Variants in ZNF385D observed in about 807,000 individuals in gnomAD.
The protein encoded by ZNF385D is zinc finger protein 385D.
Under a neutral mutation model 35.8 loss-of-function variants are expected in ZNF385D, and 15 were observed. The observed-to-expected ratio is 0.42, with a 90% CI of 0.28 to 0.64. ZNF385D has a LOEUF of 0.64. ZNF385D is among the 30% of genes least tolerant of loss of function. The pLI, the probability that ZNF385D is intolerant of heterozygous loss-of-function variation, is 0.23. For missense variants in ZNF385D, 474 were observed against 494.6 expected, an observed-to-expected ratio of 0.96 and a Z score of 0.39; for synonymous variants, 212 against 186.8, an observed-to-expected ratio of 1.13 and a Z score of -1.10.
upstream of ZNF385D, among the ~76,000 whole-genome samples, chr3:21,755,515 T>C (rs531913484): frequency 1.1e-4 from 16 of 152,338 alleles, no homozygotes; most frequent in Non-Finnish European, 2.1e-4. Context: ...TGAAGCAATC[T>C]GTAATCAATC....
At position 21,822,967 on chromosome 3, in the gene ZNF385D, G is replaced by T. The variant is rs530751848; in HGVS notation, c.326-157939C>A. ...CAAATGAATTACTCAAAATTCAGAAGAGTAAGTTACCTGATGGGGGGACAA... is the reference window on the plus strand; with the variant it reads ...CAAATGAATTACTCAAAATTCAGAATAGTAAGTTACCTGATGGGGGGACAA... On this transcript the variant is annotated intron_variant, in intron 3 of 5. Coordinates refer to the ZNF385D transcript ENST00000494108. Among the ~76,000 whole-genome samples, 584 of 152,182 alleles carry T rather than the reference G, an allele frequency of 3.8e-3. 6 individuals carry two copies. Among genetic ancestry groups the T allele is most frequent in the African/African-American group, 0.013 (545 of 41,514 alleles).
intron 2 of ZNF385D, among the ~76,000 whole-genome samples, chr3:22,349,286 A>G (rs1695808320): frequency 6.6e-6 from 1 of 152,206 alleles, no homozygotes; most frequent in Non-Finnish European, 1.5e-5. Flanking sequence ...AGTTGAACCT[A>G]GATAATTACA....
chr3:22,199,156 C>A (rs9856478), intron 2 of ZNF385D, among the ~76,000 whole-genome samples: 9,258 of 152,018 alleles, frequency 0.061, 731 homozygotes, highest in African/African-American at 0.18. Flanking sequence ...AATCTCATCT[C>A]CACATTGTTT....
chr3:21,441,659 A>G, intron 4 of ZNF385D: 1 of 984,276 alleles, frequency 1.0e-6, no homozygotes, highest in Non-Finnish European at 1.2e-6. Flanking sequence ...GAGGAAAGAA[A>G]AGGAAAACCT....
chr3:22,348,413 C>T (rs995945524), intron 2 of ZNF385D, among the ~76,000 whole-genome samples: 2 of 147,300 alleles, frequency 1.4e-5, no homozygotes, highest in South Asian at 2.1e-4. Flanking sequence ...TTTGGGTGGC[C>T]GAGGCAGGCA....
intron 3 of ZNF385D, among the ~76,000 whole-genome samples, chr3:21,801,877 T>C (rs982334795): frequency 6.6e-6 from 1 of 152,210 alleles, no homozygotes; most frequent in African/African-American, 2.4e-5. Flanking sequence ...ATCTGTTTTG[T>C]ATATTCCAGA....
chr3:21,758,504 G>A (rs1410583664), intron 3 of ZNF385D, among the ~76,000 whole-genome samples: 1 of 152,270 alleles, frequency 6.6e-6, no homozygotes, highest in African/African-American at 2.4e-5. Flanking sequence ...CATCAGGCAA[G>A]AGACACATCA....
intron 2 of ZNF385D, among the ~76,000 whole-genome samples, chr3:22,308,695 C>T (rs936963991): frequency 5.3e-5 from 8 of 151,922 alleles, no homozygotes; most frequent in Non-Finnish European, 7.4e-5. Context: ...GGAACTCATG[C>T]CAGACTCAGA....
intron 3 of ZNF385D, among the ~76,000 whole-genome samples, chr3:21,778,750 C>T (rs545872182): frequency 1.3e-5 from 2 of 151,956 alleles, no homozygotes; most frequent in Admixed American, 6.6e-5. Flanking sequence ...CAAATGATCT[C>T]GTTATGAGTC....
intron 2 of ZNF385D, among the ~76,000 whole-genome samples, chr3:22,232,651 T>C (rs1320046842): frequency 6.6e-6 from 1 of 152,166 alleles, no homozygotes; most frequent in Non-Finnish European, 1.5e-5. Context: ...TGGTTTTCTG[T>C]TATTGTGATA....
intron 2 of ZNF385D, among the ~76,000 whole-genome samples, chr3:22,327,249 T>C (rs999351964): frequency 1.3e-5 from 2 of 152,172 alleles, no homozygotes; most frequent in South Asian, 4.1e-4. Flanking sequence ...ACCTTACAAG[T>C]TGGATTCTGT....
intron 3 of ZNF385D, among the ~76,000 whole-genome samples, chr3:22,116,576 A>C (rs1029861320): frequency 2.6e-5 from 4 of 152,104 alleles, no homozygotes; most frequent in Non-Finnish European, 5.9e-5. Flanking sequence ...AATGTGAGAG[A>C]CGAAATTACA....
chr3:22,082,341 T>A (rs929198648), intron 3 of ZNF385D, among the ~76,000 whole-genome samples: 1 of 152,098 alleles, frequency 6.6e-6, no homozygotes, highest in African/African-American at 2.4e-5. Flanking sequence ...TTGGGACACT[T>A]CTGCCCTAAT....
chr3:21,835,912 A>G (rs1695299217), intron 3 of ZNF385D, among the ~76,000 whole-genome samples: 2 of 152,104 alleles, frequency 1.3e-5, no homozygotes, highest in Admixed American at 6.5e-5. Context: ...TATATTCCAA[A>G]TATGATTTTT....
intron 3 of ZNF385D, among the ~76,000 whole-genome samples, chr3:21,996,672 T>A (rs1695487177): frequency 6.6e-6 from 1 of 152,114 alleles, no homozygotes; most frequent in Admixed American, 6.5e-5. Flanking sequence ...TTACATACAT[T>A]TTTTTAAAAT....
intron 2 of ZNF385D, among the ~76,000 whole-genome samples, chr3:21,638,505 C>G (rs1444927935): frequency 6.6e-6 from 1 of 152,084 alleles, no homozygotes; most frequent in East Asian, 1.9e-4. Context: ...ATCCCTGCAT[C>G]GCCCTGTGGG....
At position 21,695,829 on chromosome 3, in the gene ZNF385D, TTGC is replaced by T. The variant is rs144039962; in HGVS notation, c.23-30804_23-30802del. ...AAAAAGCATTCCCTTGTCATTTTAA[TTGC>T]TGCTACCTGTTGTTACAGTGAAAAG... On this transcript the variant is annotated intron_variant, in intron 1 of 7. Coordinates refer to ENST00000281523, the MANE Select transcript of ZNF385D (RefSeq NM_024697.3). 9.3e-3 allele frequency among the ~76,000 whole-genome samples: 1,410 copies of T among 152,108 alleles called. 24 individuals are homozygous for T. The highest frequency in any genetic ancestry group is 0.033 in the African/African-American group (1,354 of 41,526).
intron 5 of ZNF385D, among the ~76,000 whole-genome samples, chr3:21,426,880 A>G (rs896807905): frequency 6.6e-6 from 1 of 152,188 alleles, no homozygotes; most frequent in Non-Finnish European, 1.5e-5. Flanking sequence ...AAATGATTAC[A>G]TTTTACTGAG....
intron 2 of ZNF385D, among the ~76,000 whole-genome samples, chr3:22,310,340 C>A (rs1295479492): frequency 1.3e-5 from 2 of 151,896 alleles, no homozygotes; most frequent in African/African-American, 4.8e-5. Flanking sequence ...CATAAAAGGG[C>A]CTAGCACATA....
Sources: allele counts gnomAD v4.1 joint callset (sites outside exome capture counted in the v4.1 genomes callset), GRCh38; gene constraint gnomAD v4.1.1; transcripts MANE v1.5; gene names NCBI Gene and HGNC (gene_info 2026-07-23, HGNC 2026-07-21).